The following MAP1LC3A variants were observed in gnomAD, a reference collection of about 807,000 sequenced individuals.
MAP1LC3A encodes the protein microtubule-associated protein 1 light chain 3 alpha.
In MAP1LC3A, 10 loss-of-function variants were observed where a neutral mutation model predicts 15.2. That is an observed-to-expected ratio of 0.66 (90% CI 0.41 to 1.12). The LOEUF (loss-of-function observed/expected upper bound fraction) is 1.12. MAP1LC3A is among the 50% of genes most tolerant of loss of function. The pLI is 0.00. For missense variants in MAP1LC3A, 138 were observed against 167.3 expected (o/e 0.82, Z 0.97); for synonymous variants, 63 against 64.3 (o/e 0.98, Z 0.10).
chr20:34,559,948 C>G lies in MAP1LC3A; in HGVS notation c.*50C>G. The stretch of plus-strand genomic sequence containing the variant: ...GGGAGTCGGGCGGCCCCGGTCAGGC[C>G]CTGCCCAGAGAGCTCCTGGTTCCTG... On this transcript the variant is annotated 3_prime_UTR_variant, in exon 4 of 4. Coordinates refer to ENST00000360668, the MANE Select transcript of MAP1LC3A (RefSeq NM_032514.4). 6.4e-7 allele frequency: 1 copy of G among 1,565,032 alleles called. No individual in the cohort carries two copies. The highest frequency in any genetic ancestry group is 8.6e-7 in the Non-Finnish European group (1 of 1,157,280).
At chr20:34,552,222 T>G (rs1981975466) in intron 2 of MAP1LC3A, among the ~76,000 whole-genome samples, 1 of 152,162 alleles carries the variant, frequency 6.6e-6, no homozygotes, top group South Asian at 2.1e-4. Flanking sequence ...GGTCTCAAAT[T>G]CCTGACCTCA....
At chr20:34,548,079 A>G (rs1981807034) in intron 1 of MAP1LC3A, among the ~76,000 whole-genome samples, 1 of 151,958 alleles carries the variant, frequency 6.6e-6, no homozygotes, top group African/African-American at 2.4e-5. Flanking sequence ...AGGACTCAGG[A>G]CTGCAATGGC....
Position 34,558,929 on chromosome 20 carries a change from T to C in MAP1LC3A, c.40+21T>C. ...CTTCGGTGAGGCCCGGCAGGCGAGC[T>C]GCGAGCTCTGGGGCAGGGGTGCCGG... On this transcript the variant is annotated intron_variant, in intron 1 of 3. Transcript: ENST00000360668. This position sits in a 1 kb window ranked among gnomAD's most constrained non-coding sequence, Gnocchi z 4.3. 7.2e-7 allele frequency: 1 copy of C among 1,381,106 alleles called. No homozygotes were observed. The highest frequency in any genetic ancestry group is 9.3e-7 in the Non-Finnish European group (1 of 1,071,774). 85.6% of individuals were successfully genotyped at this position (1,381,106 alleles called of 1,614,324 possible).
chr20:34,558,324 C>T (rs1002428246), upstream of MAP1LC3A: 23 of 986,536 alleles, frequency 2.3e-5, no homozygotes, highest in African/African-American at 4.0e-4. The surrounding 1 kb of genome is among the most constrained non-coding windows in gnomAD (Gnocchi z 4.3). Flanking sequence ...GCACCTTCTC[C>T]CTTCTCTCGC....
At chr20:34,548,169 T>C (rs1180224422) in intron 1 of MAP1LC3A, among the ~76,000 whole-genome samples, 2 of 152,142 alleles carry the variant, frequency 1.3e-5, no homozygotes, top group East Asian at 3.9e-4. Flanking sequence ...GGCACAGGCT[T>C]GGGGAAAGAG....
chr20:34,554,210 CTTTT>C (rs1380703320), upstream of MAP1LC3A, among the ~76,000 whole-genome samples: 1 of 152,034 alleles, frequency 6.6e-6, no homozygotes, highest in Non-Finnish European at 1.5e-5. Flanking sequence ...CAGGTTTGCT[CTTTT>C]TTTGTCTTGG....
intron 2 of MAP1LC3A, among the ~76,000 whole-genome samples, chr20:34,551,467 C>CT (rs58191574): frequency 0.019 from 2,014 of 104,768 alleles, 71 homozygotes; most frequent in African/African-American, 0.05. Context: ...GAACGCTGTC[C>CT]TTTTTTTTTT....
At chr20:34,552,855 T>G (rs1981998442) in intron 2 of MAP1LC3A, among the ~76,000 whole-genome samples, 2 of 150,084 alleles carry the variant, frequency 1.3e-5, no homozygotes, top group Admixed American at 6.6e-5. Flanking sequence ...GGAGCAGGAG[T>G]GGTGGAAGGG....
At chr20:34,559,040 C>A in intron 1 of MAP1LC3A, 132 bp downstream of exon 1, 1 of 1,333,204 alleles carries the variant, frequency 7.5e-7, no homozygotes, top group Non-Finnish European at 9.6e-7. Context: ...CCGGCCTGGG[C>A]GGGGGCTGCC....
At chr20:34,557,717 G>C (rs915136698), upstream of MAP1LC3A, among the ~76,000 whole-genome samples, 5 of 152,138 alleles carry the variant, frequency 3.3e-5, no homozygotes, top group Non-Finnish European at 7.3e-5. Flanking sequence ...ACGAGGTCAG[G>C]AGATCGAGAC....
At chr20:34,547,052 C>T (rs1404526096) in intron 1 of MAP1LC3A, 1 of 152,496 alleles carries the variant, frequency 6.6e-6, no homozygotes, top group Admixed American at 6.5e-5. Flanking sequence ...AGTGATTCCA[C>T]TCAGCATAGC....
At chr20:34,559,709 A>G in intron 3 of MAP1LC3A, 27 bp from the exon 4 acceptor site, 2 of 1,587,374 alleles carry the variant, frequency 1.3e-6, no homozygotes. Flanking sequence ...AGCCCCTCAC[A>G]GCTGCATACT....
upstream of MAP1LC3A, among the ~76,000 whole-genome samples, chr20:34,555,025 GTTTT>G (rs1361335054): frequency 1.0e-4 from 15 of 150,702 alleles, no homozygotes; most frequent in Non-Finnish European, 4.4e-5. Flanking sequence ...TGTTGTTGTT[GTTTT>G]TTGTTTGTTT....
intron 1 of MAP1LC3A, among the ~76,000 whole-genome samples, chr20:34,549,060 C>CT (rs1981848879): frequency 6.7e-6 from 1 of 149,794 alleles, no homozygotes; most frequent in Non-Finnish European, 1.5e-5. Context: ...TTGATAGTCT[C>CT]TATCACCCAG....
chr20:34,559,729 GCTGCAGGCGC>G lies in MAP1LC3A; in HGVS notation c.204-5_208del, dbSNP rs1291134348. 1 of 1,597,264 alleles carries G rather than the reference GCTGCAGGCGC, an allele frequency of 6.3e-7. No homozygotes were observed. Among genetic ancestry groups the G allele is most frequent in the Non-Finnish European group, 8.5e-7 (1 of 1,175,164 alleles). On this transcript the variant is annotated splice_acceptor_variant and splice_polypyrimidine_tract_variant and coding_sequence_variant and intron_variant, in exon 4 of 4. Coordinates refer to ENST00000360668, the MANE Select transcript of MAP1LC3A (RefSeq NM_032514.4). LOFTEE classifies it high-confidence loss of function. ...CTCACAGCTGCATACTCTCCCGCCG[GCTGCAGGCGC>G]CGCCTGCAGCTGAACCCCACGCAGG... is the stretch of plus-strand genomic sequence containing the variant.
Position 34,559,700 on chromosome 20 carries a change from G to A in MAP1LC3A, c.204-36G>A, listed in dbSNP as rs774468802. On this transcript the variant is annotated intron_variant, in intron 3 of 3. Transcript: ENST00000360668. ...AGGGCTATGTCCGTCCCGCAGCCAA[G>A]CCCCTCACAGCTGCATACTCTCCCG... is the stretch of plus-strand genomic sequence containing the variant. 4.4e-6 allele frequency: 7 copies of A among 1,575,870 alleles called. 1 individual carries two copies. The Admixed American group carries it at 9.7e-5, about 22-fold the overall frequency.
At position 34,560,161 on chromosome 20, in the gene MAP1LC3A, C is replaced by CT. The variant is rs998162392; in HGVS notation, c.*271dup. On this transcript the variant is annotated 3_prime_UTR_variant, in exon 4 of 4. Transcript: ENST00000360668. ...CCAGCACCCCTGCTGTGTGGTTCAT[C>CT]TTTTTTTTAGGCCCCTGCCTGTCTG... The CT allele has an allele frequency of 2.4e-4, 88 of 362,038 alleles. No homozygotes were observed. The highest frequency in any genetic ancestry group is 7.7e-4 in the Middle Eastern group (1 of 1,292). 22.4% of individuals were successfully genotyped at this position (362,038 alleles called of 1,614,324 possible). A position where few individuals can be genotyped will look rare whatever the true frequency, so the allele number is the denominator to read the frequency against.
At chr20:34,555,942 G>C (rs1215115818), upstream of MAP1LC3A, among the ~76,000 whole-genome samples, 2 of 151,344 alleles carry the variant, frequency 1.3e-5, no homozygotes, top group East Asian at 1.9e-4. Flanking sequence ...TCCCAGGTTC[G>C]AGCCATTCTC....
chr20:34,547,692 C>CT (rs1981791537), intron 1 of MAP1LC3A, among the ~76,000 whole-genome samples: 1 of 152,128 alleles, frequency 6.6e-6, no homozygotes, highest in Non-Finnish European at 1.5e-5. Flanking sequence ...TCCCCGTCAC[C>CT]TTCCTCCAGG....
Sources: gnomAD v4.1 joint callset for allele counts (sites outside exome capture counted in the v4.1 genomes callset) on GRCh38, gnomAD v4.1.1 for gene constraint, Gnocchi (gnomAD v3.1) non-coding constraint, MANE v1.5 for transcripts, NCBI Gene and HGNC (gene_info 2026-07-23, HGNC 2026-07-21) for gene names.